The following GPR158 variants were observed in gnomAD, a reference collection of about 807,000 sequenced individuals.
GPR158 encodes G protein-coupled receptor 158, also known as metabotropic glycine receptor.
Under a neutral mutation model 78.2 loss-of-function variants are expected in GPR158, and 30 were observed. That is an observed-to-expected ratio of 0.38 (90% CI 0.29 to 0.52). The LOEUF (loss-of-function observed/expected upper bound fraction) is 0.52, where lower values mean the gene tolerates loss of function less well. GPR158 is among the 20% of genes least tolerant of loss of function. GPR158 has a pLI of 0.83. For synonymous variants in GPR158, 581 were observed against 591.1 expected, an observed-to-expected ratio of 0.98 and a Z score of 0.25; for missense variants, 1,463 against 1,523.5, an observed-to-expected ratio of 0.96 and a Z score of 0.66.
intron 3 of GPR158, among the ~76,000 whole-genome samples, chr10:25,399,830 C>T (rs1472617652): frequency 6.6e-6 from 1 of 152,104 alleles, no homozygotes; most frequent in Non-Finnish European, 1.5e-5. Context: ...TATTAGGCCT[C>T]TTCATCATAG....
At chr10:25,526,045 G>T (rs1226364187) in intron 5 of GPR158, among the ~76,000 whole-genome samples, 2 of 140,636 alleles carry the variant, frequency 1.4e-5, no homozygotes, top group African/African-American at 2.6e-5. Flanking sequence ...GGCAGAGGTT[G>T]TAGTGAGCCA....
intron 5 of GPR158, among the ~76,000 whole-genome samples, chr10:25,525,910 C>T (rs986970008): frequency 2.0e-5 from 3 of 151,880 alleles, no homozygotes; most frequent in South Asian, 2.1e-4. Context: ...AGTTCGAGAC[C>T]AGCCTGGCCA....
chr10:25,363,655 A>G (rs559160296), intron 2 of GPR158, among the ~76,000 whole-genome samples: 1 of 152,052 alleles, frequency 6.6e-6, no homozygotes, highest in South Asian at 2.1e-4. Context: ...TGGGGACATG[A>G]TCTGACTGGA....
chr10:25,251,442 C>T lies in GPR158; in HGVS notation c.1008+30285C>T, dbSNP rs1049668704. On this transcript the variant is annotated intron_variant, in intron 2 of 10. Coordinates refer to ENST00000376351, the MANE Select transcript of GPR158 (RefSeq NM_020752.3). ...TTTACATTTTGGCATGAATTTGCAG[C>T]GGCTGGTACTGGTTGTTCCTTTCCA... Among the ~76,000 whole-genome samples the T allele has an allele frequency of 6.4e-3, 979 of 151,790 alleles. 18 individuals are homozygous for T. The highest frequency in any genetic ancestry group is 0.023 in the African/African-American group (938 of 41,268).
At chr10:25,197,225 C>G (rs1190702654) in intron 1 of GPR158, among the ~76,000 whole-genome samples, 1 of 152,190 alleles carries the variant, frequency 6.6e-6, no homozygotes, top group Non-Finnish European at 1.5e-5. Flanking sequence ...CACATTCGCC[C>G]TTTTACTTAT....
intron 5 of GPR158, among the ~76,000 whole-genome samples, chr10:25,520,890 C>T (rs999648116): frequency 3.9e-5 from 6 of 152,224 alleles, no homozygotes; most frequent in South Asian, 4.1e-4. Context: ...TGGTGGGCTC[C>T]GCCCAGTTGG....
At chr10:25,482,129 T>TG (rs1296926951) in intron 5 of GPR158, among the ~76,000 whole-genome samples, 1 of 152,100 alleles carries the variant, frequency 6.6e-6, no homozygotes, top group Non-Finnish European at 1.5e-5. Flanking sequence ...TCTGGGATGA[T>TG]GCTGTTTCTA....
intron 5 of GPR158, among the ~76,000 whole-genome samples, chr10:25,550,489 G>T (rs555668598): frequency 6.6e-6 from 1 of 152,088 alleles, no homozygotes; most frequent in Non-Finnish European, 1.5e-5. Flanking sequence ...ATCGGCTCTG[G>T]GGGGAGAATG....
intron 3 of GPR158, among the ~76,000 whole-genome samples, chr10:25,403,283 A>G (rs964342233): frequency 1.3e-5 from 2 of 152,058 alleles, no homozygotes; most frequent in Non-Finnish European, 2.9e-5. Flanking sequence ...AGGCAAGCAA[A>G]TAAGTTAACA....
intron 2 of GPR158, among the ~76,000 whole-genome samples, chr10:25,320,100 A>T (rs1019237333): frequency 1.3e-5 from 2 of 152,176 alleles, no homozygotes; most frequent in Non-Finnish European, 2.9e-5. Context: ...TTTCTTCATT[A>T]CAGTTAATCA....
chr10:25,317,549 T>G (rs1408552750), intron 2 of GPR158, among the ~76,000 whole-genome samples: 1 of 152,104 alleles, frequency 6.6e-6, no homozygotes, highest in Non-Finnish European at 1.5e-5. Context: ...AGTTTTCTTC[T>G]TAGTTTTGGG....
intron 4 of GPR158, among the ~76,000 whole-genome samples, chr10:25,456,059 A>C (rs886267948): frequency 6.6e-6 from 1 of 152,180 alleles, no homozygotes; most frequent in Non-Finnish European, 1.5e-5. Flanking sequence ...CTTTGCATCT[A>C]AATAACAATC....
intron 8 of GPR158, among the ~76,000 whole-genome samples, chr10:25,593,849 T>A (rs573659529): frequency 3.1e-4 from 47 of 152,208 alleles, no homozygotes; most frequent in Admixed American, 4.6e-4. Flanking sequence ...TTCACAAAGA[T>A]AAATAATTGT....
Position 25,528,765 on chromosome 10 carries a change from T to G in GPR158, c.1405-22211T>G, listed in dbSNP as rs193060496. ...GCTTTTCTTTTAGTAATTTACAAGT[T>G]TAGTCTAAAATTTATATAGAAAATA... On this transcript the variant is annotated intron_variant, in intron 5 of 10. Coordinates refer to ENST00000376351, the MANE Select transcript of GPR158 (RefSeq NM_020752.3). 6.0e-3 allele frequency among the ~76,000 whole-genome samples: 916 copies of G among 152,284 alleles called. 4 individuals are homozygous for G. The highest frequency in any genetic ancestry group is 0.011 in the Non-Finnish European group (719 of 68,012).
chr10:25,386,376 C>T (rs565130048), intron 2 of GPR158, among the ~76,000 whole-genome samples: 3 of 152,212 alleles, frequency 2.0e-5, no homozygotes, highest in East Asian at 3.9e-4. Flanking sequence ...AAGTGTGATG[C>T]CTCCAACTTA....
chr10:25,436,346 G>C (rs898100218), intron 4 of GPR158, among the ~76,000 whole-genome samples: 4 of 152,198 alleles, frequency 2.6e-5, no homozygotes, highest in African/African-American at 9.7e-5. Context: ...GTAGATATTT[G>C]AGCTGGAAAC....
At chr10:25,223,270 C>T (rs1205065603) in intron 2 of GPR158, among the ~76,000 whole-genome samples, 2 of 152,174 alleles carry the variant, frequency 1.3e-5, no homozygotes, top group African/African-American at 4.8e-5. Flanking sequence ...AATGGATCTA[C>T]AGAGTGTATG....
intron 4 of GPR158, among the ~76,000 whole-genome samples, chr10:25,458,626 TCTCTGCAAC>T (rs1835320621): frequency 6.6e-6 from 1 of 152,194 alleles, no homozygotes; most frequent in Admixed American, 6.5e-5. Context: ...TTATTGCCAA[TCTCTGCAAC>T]AATATACACC....
At chr10:25,593,876 A>G (rs554120179) in intron 8 of GPR158, among the ~76,000 whole-genome samples, 22 of 152,208 alleles carry the variant, frequency 1.4e-4, no homozygotes, top group Non-Finnish European at 2.9e-5. Context: ...TTTCTTAATT[A>G]TAACTGTTTT....
Sources: allele counts gnomAD v4.1 joint callset (sites outside exome capture counted in the v4.1 genomes callset), GRCh38; gene constraint gnomAD v4.1.1; transcripts MANE v1.5; gene names NCBI Gene and HGNC (gene_info 2026-07-23, HGNC 2026-07-21).